The following CAST variants were observed in gnomAD, a reference collection of about 807,000 sequenced individuals.
The protein encoded by CAST is calpastatin.
A neutral mutation model predicts 119.6 loss-of-function variants in CAST; 76 were observed. The observed-to-expected ratio is 0.64, with a 90% CI of 0.53 to 0.77. CAST has a LOEUF of 0.77. CAST is among the 30% of genes least tolerant of loss of function. The probability of loss-of-function intolerance (pLI) is 0.00; values close to 1 mark genes in which losing one functional copy is unlikely to be tolerated. For synonymous variants in CAST, 319 were observed against 331.6 expected (o/e 0.96, Z 0.41); for missense variants, 953 against 946.5 (o/e 1.01, Z -0.09).
the CAST span, among the ~76,000 whole-genome samples, chr5:96,477,274 A>C: frequency 2.0e-3 from 300 of 150,740 alleles, no homozygotes; most frequent in African/African-American, 7.1e-3. Flanking sequence ...GATGCAAGGT[A>C]GAGAGAAATA....
At chr5:96,030,255 G>A in the CAST span, among the ~76,000 whole-genome samples, 1 of 152,056 alleles carries the variant, frequency 6.6e-6, no homozygotes, top group Admixed American at 6.6e-5. Context: ...AATTTTTGTT[G>A]CTATGAAGTT....
chr5:96,492,391 T>C, the CAST span, among the ~76,000 whole-genome samples: 1 of 152,228 alleles, frequency 6.6e-6, no homozygotes, highest in African/African-American at 2.4e-5. Flanking sequence ...GTTTTGTATG[T>C]TTTACATTTT....
At chr5:96,151,244 G>A in the CAST span, among the ~76,000 whole-genome samples, 2 of 152,218 alleles carry the variant, frequency 1.3e-5, no homozygotes, top group Non-Finnish European at 2.9e-5. Context: ...AGAGGCAGAG[G>A]AAGGAGAGGA....
At chr5:96,250,794 C>A in the CAST span, among the ~76,000 whole-genome samples, 1 of 152,006 alleles carries the variant, frequency 6.6e-6, no homozygotes, top group African/African-American at 2.4e-5. Flanking sequence ...TAGAAGAAAA[C>A]CCTGAAGAGT....
intron 9 of CAST, among the ~76,000 whole-genome samples, chr5:96,731,379 C>T (rs1240383919): frequency 6.6e-6 from 1 of 151,102 alleles, no homozygotes; most frequent in Non-Finnish European, 1.5e-5. Context: ...TGAAGAGCTG[C>T]TTCCAATACT....
intron 1 of CAST, among the ~76,000 whole-genome samples, chr5:96,650,684 C>T (rs1469717288): frequency 1.3e-5 from 2 of 150,896 alleles, no homozygotes; most frequent in African/African-American, 4.9e-5. Flanking sequence ...CTAAGATGTA[C>T]TTTCCATATA....
At chr5:96,146,174 G>A in the CAST span, among the ~76,000 whole-genome samples, 1 of 152,170 alleles carries the variant, frequency 6.6e-6, no homozygotes, top group Non-Finnish European at 1.5e-5. Flanking sequence ...GCAAGGCTAT[G>A]TGCAATTAAT....
chr5:95,982,857 A>T, the CAST span, among the ~76,000 whole-genome samples: 4 of 152,226 alleles, frequency 2.6e-5, no homozygotes, highest in African/African-American at 7.2e-5. Flanking sequence ...GTTTTAAAAA[A>T]TTAATTTATA....
intron 1 of CAST, chr5:96,529,906 T>C (rs1745660252): frequency 2.8e-6 from 1 of 361,536 alleles, no homozygotes; most frequent in Non-Finnish European, 5.5e-6. Flanking sequence ...CTCTCTTATT[T>C]ATAAATTACC....
chr5:96,476,649 G>A, the CAST span, among the ~76,000 whole-genome samples: 27 of 152,262 alleles, frequency 1.8e-4, no homozygotes, highest in African/African-American at 5.5e-4. Context: ...TCCTTGGCTA[G>A]CCACTTCTCT....
At chr5:96,077,164 G>A in the CAST span, among the ~76,000 whole-genome samples, 1 of 151,868 alleles carries the variant, frequency 6.6e-6, no homozygotes, top group East Asian at 1.9e-4. Context: ...AAATGTAAAT[G>A]TATATCATAA....
chr5:96,653,402 T>A (rs1170608561), intron 1 of CAST, among the ~76,000 whole-genome samples: 2 of 152,056 alleles, frequency 1.3e-5, no homozygotes, highest in African/African-American at 2.4e-5. Flanking sequence ...AACAATTGAG[T>A]TGTTGCTCCA....
chr5:96,287,540 C>T, the CAST span, among the ~76,000 whole-genome samples: 67,265 of 151,784 alleles, frequency 0.44, 15,598 homozygotes, highest in Admixed American at 0.55. Flanking sequence ...AATAAGCATA[C>T]CCTGGCTTTT....
At chr5:96,693,432 T>C (rs1752952973) in intron 2 of CAST, among the ~76,000 whole-genome samples, 1 of 152,264 alleles carries the variant, frequency 6.6e-6, no homozygotes, top group African/African-American at 2.4e-5. Context: ...AATCCATTTA[T>C]AGACTTTAAG....
At chr5:96,635,047 T>C (rs1747869125) in intron 1 of CAST, among the ~76,000 whole-genome samples, 1 of 152,186 alleles carries the variant, frequency 6.6e-6, no homozygotes, top group African/African-American at 2.4e-5. Context: ...AGAGGCTCTA[T>C]GATTAGAGTG....
At chr5:96,522,953 C>T (rs1021494910), upstream of CAST, among the ~76,000 whole-genome samples, 1 of 152,198 alleles carries the variant, frequency 6.6e-6, no homozygotes, top group African/African-American at 2.4e-5. Context: ...GGATACTGAA[C>T]ATATTTCAAA....
chr5:96,464,375 C>T, the CAST span, among the ~76,000 whole-genome samples: 1 of 151,960 alleles, frequency 6.6e-6, no homozygotes, highest in Non-Finnish European at 1.5e-5. Flanking sequence ...AATGGGGCCT[C>T]ATATAAAGGG....
the CAST span, among the ~76,000 whole-genome samples, chr5:96,464,467 T>A: frequency 6.6e-6 from 1 of 152,134 alleles, no homozygotes; most frequent in East Asian, 1.9e-4. Context: ...TTTTACATAG[T>A]TCATTCTTAT....
intron 24 of CAST, among the ~76,000 whole-genome samples, chr5:96,760,577 G>A (rs1234703555): frequency 6.6e-6 from 1 of 151,684 alleles, no homozygotes; most frequent in Non-Finnish European, 1.5e-5. Context: ...ACATTAAAAG[G>A]GAACATTTGA....
Sources: gnomAD v4.1 joint callset for allele counts (sites outside exome capture counted in the v4.1 genomes callset) on GRCh38, gnomAD v4.1.1 for gene constraint, MANE v1.5 for transcripts, NCBI Gene and HGNC (gene_info 2026-07-23, HGNC 2026-07-21) for gene names.